Variants in ERC2 observed in about 807,000 individuals in gnomAD.
ERC2 encodes the protein ELKS/RAB6-interacting/CAST family member 2, also known as ERC protein 2.
In ERC2, 42 loss-of-function variants were observed where a neutral mutation model predicts 114.8. The ratio of observed to expected loss-of-function variants is 0.37; its 90% CI spans 0.29 to 0.47. The LOEUF (loss-of-function observed/expected upper bound fraction) is 0.47. ERC2 is among the 20% of genes least tolerant of loss of function. The probability of loss-of-function intolerance (pLI) is 0.99; values close to 1 mark genes in which losing one functional copy is unlikely to be tolerated. For missense variants in ERC2, 939 were observed against 1,150.7 expected (o/e 0.82, Z 2.66); for synonymous variants, 454 against 425.5 (o/e 1.07, Z -0.82).
chr3:56,295,892 G>C (rs1320368500), intron 3 of ERC2, 127 bp downstream of exon 3: 3 of 1,031,608 alleles, frequency 2.9e-6, no homozygotes, highest in East Asian at 2.6e-5. Flanking sequence ...CGGCAGGAAG[G>C]TCATAAAGCA....
At chr3:55,656,126 T>TTTATTTATTTATTTA (rs1299736816) in intron 17 of ERC2, among the ~76,000 whole-genome samples, 2 of 97,148 alleles carry the variant, frequency 2.1e-5, no homozygotes, top group East Asian at 3.4e-4. Context: ...TTATTTATTT[T>TTTATTTATTTATTTA]TCTGAGTTTT....
chr3:56,082,570 G>T (rs989628408), intron 6 of ERC2, among the ~76,000 whole-genome samples: 4 of 152,132 alleles, frequency 2.6e-5, no homozygotes, highest in Admixed American at 1.3e-4. Flanking sequence ...CAAAGCCAGG[G>T]TTAGAACAAT....
At chr3:55,605,777 A>T (rs1575740985) in intron 17 of ERC2, among the ~76,000 whole-genome samples, 1 of 152,214 alleles carries the variant, frequency 6.6e-6, no homozygotes, top group Non-Finnish European at 1.5e-5. Context: ...ATTTCCTTAG[A>T]ACTCAGGAAT....
At chr3:55,823,332 A>G (rs944847912) in intron 14 of ERC2, among the ~76,000 whole-genome samples, 22 of 152,160 alleles carry the variant, frequency 1.4e-4, no homozygotes, top group African/African-American at 4.8e-4. Context: ...TCCCAGAGGG[A>G]GTACATTTTC....
At chr3:56,044,774 A>T (rs1240137867) in intron 7 of ERC2, among the ~76,000 whole-genome samples, 3 of 152,172 alleles carry the variant, frequency 2.0e-5, no homozygotes, top group African/African-American at 4.8e-5. Flanking sequence ...GGACTCTTGC[A>T]TCTACTTCCT....
intron 2 of ERC2, among the ~76,000 whole-genome samples, chr3:56,378,029 G>A (rs1174385906): frequency 6.6e-6 from 1 of 152,120 alleles, no homozygotes; most frequent in Non-Finnish European, 1.5e-5. Flanking sequence ...CAATCTTCTT[G>A]AAGGGAGCAG....
chr3:55,870,889 C>A (rs934092806), intron 14 of ERC2, among the ~76,000 whole-genome samples: 3 of 152,188 alleles, frequency 2.0e-5, no homozygotes, highest in African/African-American at 7.2e-5. Context: ...CATTTCTCAC[C>A]CCATTTCAGA....
intron 14 of ERC2, among the ~76,000 whole-genome samples, chr3:55,846,713 C>CTCTG (rs2061385883): frequency 6.6e-6 from 1 of 151,774 alleles, no homozygotes; most frequent in Non-Finnish European, 1.5e-5. Flanking sequence ...CTCTCTCTCT[C>CTCTG]TCTCTCTGCA....
intron 17 of ERC2, among the ~76,000 whole-genome samples, chr3:55,652,717 T>TA (rs888550748): frequency 6.6e-6 from 1 of 151,538 alleles, no homozygotes; most frequent in Admixed American, 6.6e-5. Flanking sequence ...CTTAAAAATA[T>TA]AAAAAAAGTA....
chr3:56,237,594 T>C (rs959292923), intron 3 of ERC2, among the ~76,000 whole-genome samples: 4 of 152,226 alleles, frequency 2.6e-5, no homozygotes, highest in Admixed American at 2.6e-4. Flanking sequence ...ATAGTTTTTC[T>C]TAAGCAATCC....
At chr3:56,257,257 G>T (rs1327908203) in intron 3 of ERC2, among the ~76,000 whole-genome samples, 3 of 152,136 alleles carry the variant, frequency 2.0e-5, no homozygotes, top group African/African-American at 7.2e-5. Flanking sequence ...CATCCTCTCT[G>T]ATTTAAAATA....
intron 7 of ERC2, among the ~76,000 whole-genome samples, chr3:56,020,947 G>C (rs1417978392): frequency 6.6e-6 from 1 of 152,140 alleles, no homozygotes; most frequent in Non-Finnish European, 1.5e-5. Context: ...ATGCAGGTAG[G>C]GGTCAAGAGC....
chr3:55,774,514 C>T lies in ERC2; in HGVS notation c.2565-39596G>A, dbSNP rs13314858. On this transcript the variant is annotated intron_variant, in intron 14 of 17. Transcript: ENST00000288221. ...CCCTGGTCTTGTTCTCTGGGTCCTGCTCTCTAGGTGTTCCAGTGGTTTCCC... is the reference window on the plus strand; with the variant it reads ...CCCTGGTCTTGTTCTCTGGGTCCTGTTCTCTAGGTGTTCCAGTGGTTTCCC... Among the ~76,000 whole-genome samples the T allele has an allele frequency of 5.8e-3, 882 of 152,352 alleles. 11 individuals carry two copies. The highest frequency in any genetic ancestry group is 0.02 in the African/African-American group (841 of 41,590).
At chr3:55,887,848 G>A (rs188606396) in intron 14 of ERC2, among the ~76,000 whole-genome samples, 12 of 152,314 alleles carry the variant, frequency 7.9e-5, no homozygotes, top group Non-Finnish European at 1.5e-4. Context: ...GGGGTGTGGC[G>A]GGGTGTGGGA....
intron 1 of ERC2, among the ~76,000 whole-genome samples, chr3:56,446,751 G>A (rs572017497): frequency 1.4e-5 from 2 of 143,938 alleles, no homozygotes; most frequent in East Asian, 2.2e-4. Context: ...TCAGCCTCCC[G>A]AGTAGCTGGG....
chr3:55,751,241 C>T (rs922795758), intron 14 of ERC2, among the ~76,000 whole-genome samples: 1 of 152,168 alleles, frequency 6.6e-6, no homozygotes, highest in Non-Finnish European at 1.5e-5. Context: ...GTGACCGTCC[C>T]TTTGCCAATG....
chr3:56,103,014 C>T (rs906001307), intron 6 of ERC2, among the ~76,000 whole-genome samples: 3 of 151,976 alleles, frequency 2.0e-5, no homozygotes, highest in Non-Finnish European at 2.9e-5. Context: ...GGAAGGACAA[C>T]TAAATAAACA....
At chr3:56,241,670 C>T (rs1167026367) in intron 3 of ERC2, among the ~76,000 whole-genome samples, 1 of 152,012 alleles carries the variant, frequency 6.6e-6, no homozygotes, top group Non-Finnish European at 1.5e-5. Flanking sequence ...CAGATAGTTC[C>T]CCCTTCACCG....
intron 14 of ERC2, among the ~76,000 whole-genome samples, chr3:55,818,072 G>T (rs1046294667): frequency 1.3e-5 from 2 of 152,166 alleles, no homozygotes; most frequent in Non-Finnish European, 2.9e-5. Flanking sequence ...AAGATTTAAG[G>T]TCTGAACGAT....
Sources: allele counts gnomAD v4.1 joint callset (sites outside exome capture counted in the v4.1 genomes callset), GRCh38; gene constraint gnomAD v4.1.1; transcripts MANE v1.5; gene names NCBI Gene and HGNC (gene_info 2026-07-23, HGNC 2026-07-21).